The following WARS1 variants were observed in gnomAD, a reference collection of about 807,000 sequenced individuals.
WARS1 encodes tryptophanyl-tRNA synthetase 1, also known as tryptophan--tRNA ligase, cytoplasmic.
A neutral mutation model predicts 47.8 loss-of-function variants in WARS1; 17 were observed. The observed-to-expected ratio is 0.36, with a 90% confidence interval of 0.24 to 0.53. WARS1 has a LOEUF of 0.53. WARS1 is among the 20% of genes least tolerant of loss of function. The probability of loss-of-function intolerance (pLI) is 0.91; values close to 1 mark genes in which losing one functional copy is unlikely to be tolerated. For missense variants in WARS1, 434 were observed against 608.0 expected (o/e 0.71, Z 3.01); for synonymous variants, 208 against 228.1 (o/e 0.91, Z 0.79).
At chr14:100,345,155 C>T (rs1023212739) in intron 7 of WARS1, among the ~76,000 whole-genome samples, 1 of 150,364 alleles carries the variant, frequency 6.7e-6, no homozygotes, top group Non-Finnish European at 1.5e-5. Flanking sequence ...CCGGCCACCA[C>T]CCCGTCTGGG....
intron 2 of WARS1, 39 bp downstream of exon 2, chr14:100,369,048 C>T: frequency 6.9e-7 from 1 of 1,453,342 alleles, no homozygotes; most frequent in African/African-American, 1.4e-5. Flanking sequence ...ACTTGGGAGG[C>T]TCAGCTGCCT....
At chr14:100,339,282 C>T (rs61990698) in intron 9 of WARS1, among the ~76,000 whole-genome samples, 2,914 of 152,056 alleles carry the variant, frequency 0.019, 51 homozygotes, top group Middle Eastern at 0.041. Flanking sequence ...AGCAGTCACG[C>T]GAGAGGCTCA....
intron 1 of WARS1, among the ~76,000 whole-genome samples, chr14:100,370,834 T>C (rs1251603748): frequency 2.0e-5 from 3 of 151,484 alleles, no homozygotes; most frequent in African/African-American, 4.9e-5. Context: ...TCCCAGCTAC[T>C]TGGGAGGCTA....
At chr14:100,350,279 C>A (rs1894882070) in intron 6 of WARS1, among the ~76,000 whole-genome samples, 1 of 151,192 alleles carries the variant, frequency 6.6e-6, no homozygotes, top group African/African-American at 2.4e-5. Context: ...GTAATCCCAG[C>A]TACTCAGGAG....
At chr14:100,363,522 C>T (rs942639856) in intron 2 of WARS1, among the ~76,000 whole-genome samples, 4 of 152,014 alleles carry the variant, frequency 2.6e-5, no homozygotes, top group Non-Finnish European at 4.4e-5. Context: ...ATGGCAAAAC[C>T]CTGTCTCTAC....
chr14:100,371,584 A>T (rs1476203442), intron 1 of WARS1, among the ~76,000 whole-genome samples: 1 of 151,904 alleles, frequency 6.6e-6, no homozygotes, highest in Non-Finnish European at 1.5e-5. Flanking sequence ...AAAATACAAA[A>T]ATTAGCCAGG....
chr14:100,349,575 C>T (rs56238254), intron 6 of WARS1, among the ~76,000 whole-genome samples: 4,954 of 152,320 alleles, frequency 0.033, 115 homozygotes, highest in East Asian at 0.078. Flanking sequence ...CTGCCCCCCA[C>T]TAGCACCCAG....
In WARS1 at chr14:100,360,625, T is replaced by G; in HGVS notation, c.351A>C (p.Ile117=). ...GGCCGGTGGCTCTCTCTATTCGGTT[T>G]ATTAGCTCTTTGTCAATTTTACTAC... ...FGSSKIDKEL[I]NRIERATGQR... is the part of the protein sequence containing the mutation. The change falls in exon 4 of 11, where the codon ATA becomes ATC. Residue 117 remains isoleucine, a synonymous_variant. Coordinates refer to ENST00000392882, the MANE Select transcript of WARS1 (RefSeq NM_004184.4). 1 of 1,613,860 alleles carries G rather than the reference T, an allele frequency of 6.2e-7. No individual in the cohort carries two copies. Among genetic ancestry groups the G allele is most frequent in the Non-Finnish European group, 8.5e-7 (1 of 1,179,802 alleles).
rs1210631971 is a variant in WARS1 at position 100,337,208 on chromosome 14, C to A, written c.1114-6G>T. 2 of 1,613,420 alleles carry A rather than the reference C, an allele frequency of 1.2e-6. No individual in the cohort carries two copies. Among genetic ancestry groups the A allele is most frequent in the Non-Finnish European group, 8.5e-7 (1 of 1,179,470 alleles). ...GAAAACGCATGCTTATTGACCTGCA[C>A]CAGAAGAGGACACAGACACGCTCCT... On this transcript the variant is annotated splice_polypyrimidine_tract_variant and splice_region_variant and intron_variant, in intron 9 of 10. Transcript: ENST00000392882.
chr14:100,336,439 C>T (rs907111766), intron 10 of WARS1, among the ~76,000 whole-genome samples: 3 of 152,108 alleles, frequency 2.0e-5, no homozygotes, highest in East Asian at 1.9e-4. Flanking sequence ...AGTTCATGCC[C>T]GCATAATAAT....
At chr14:100,351,597 A>G (rs1004358213) in intron 6 of WARS1, among the ~76,000 whole-genome samples, 4 of 152,100 alleles carry the variant, frequency 2.6e-5, no homozygotes, top group African/African-American at 7.2e-5. Context: ...CACAGCCACT[A>G]AACCCAGGTG....
rs545333607 is a variant in WARS1 at position 100,366,914 on chromosome 14, C to T, written c.99+2173G>A. 2.5e-6 allele frequency: 4 copies of T among 1,607,724 alleles called. No individual in the cohort carries two copies. The South Asian group carries it at 4.4e-5, about 18-fold the overall frequency. Reference sequence around the variant, plus strand: ...GGAGTCCCTGAATAAAGATAAGAAGCATCACTGAAGATAATACCTGGAAGT... The same window carrying T: ...GGAGTCCCTGAATAAAGATAAGAAGTATCACTGAAGATAATACCTGGAAGT... On this transcript the variant is annotated intron_variant, in intron 2 of 10. Transcript: ENST00000392882.
At chr14:100,361,970 T>C in intron 2 of WARS1, 49 bp from the exon 3 acceptor site, 1 of 1,579,846 alleles carries the variant, frequency 6.3e-7, no homozygotes, top group Non-Finnish European at 8.7e-7. Flanking sequence ...TAATAGCTGA[T>C]ATGTGCTGAA....
intron 6 of WARS1, among the ~76,000 whole-genome samples, chr14:100,349,136 T>G (rs1047938087): frequency 6.6e-6 from 1 of 152,146 alleles, no homozygotes; most frequent in Admixed American, 6.5e-5. Context: ...GGGTTTAAAG[T>G]GGGAAGAGAT....
chr14:100,357,125 C>A (rs1408574572), intron 4 of WARS1, among the ~76,000 whole-genome samples: 1 of 152,030 alleles, frequency 6.6e-6, no homozygotes, highest in East Asian at 1.9e-4. Context: ...ATAATAAAAA[C>A]ACATGTTGAA....
Position 100,334,913 on chromosome 14 carries a change from A to C in WARS1, c.1378T>G (p.Phe460Val). ...KEVTDEIVKE[F>V]MTPRKLSFDF... is the part of the protein sequence containing the mutation. Reference sequence around the variant, plus strand: ...AAGGACAGCTTCCGGGGAGTCATGAACTCTTTCACTATCTCATCCGTGACC... The same window carrying C: ...AAGGACAGCTTCCGGGGAGTCATGACCTCTTTCACTATCTCATCCGTGACC... The change falls in exon 11 of 11, where the codon TTC becomes GTC. Residue 460 changes from phenylalanine to valine, a missense_variant. By Grantham distance (50) the Phe-to-Val change is conservative. Around this residue, in one of 2 missense-constraint regions of WARS1, gnomAD observed 347 missense variants for 523.8 expected, o/e 0.66. Transcript: ENST00000392882. 1 of 1,613,962 alleles carries C rather than the reference A, an allele frequency of 6.2e-7. No homozygotes were observed. The highest frequency in any genetic ancestry group is 8.5e-7 in the Non-Finnish European group (1 of 1,179,964).
In WARS1 at chr14:100,356,400, G is replaced by GA. The variant is rs879770768; in HGVS notation, c.423-1835_423-1834insT. On this transcript the variant is annotated intron_variant, in intron 4 of 10. Transcript: ENST00000392882. ...GTGACTGGGTGTGTGTGTGTGTGTG[G>GA]GGGGGGGTGTGGAATAAAAGAGAAG... is the stretch of plus-strand genomic sequence containing the variant. 8.0e-4 allele frequency among the ~76,000 whole-genome samples: 95 copies of GA among 118,610 alleles called. 4 individuals carry two copies. The highest frequency in any genetic ancestry group is 3.9e-3 in the Middle Eastern group (1 of 258). The allele number at this position is 118,610 out of a possible 152,430, so 77.8% of individuals were successfully genotyped here.
At chr14:100,374,492 T>A (rs777079965) in intron 1 of WARS1, among the ~76,000 whole-genome samples, 9 of 152,152 alleles carry the variant, frequency 5.9e-5, no homozygotes, top group Non-Finnish European at 1.5e-5. Flanking sequence ...AGGAGCATAA[T>A]AGGCACTTAA....
chr14:100,339,159 C>T (rs1004086844), intron 9 of WARS1, among the ~76,000 whole-genome samples: 4 of 151,360 alleles, frequency 2.6e-5, no homozygotes, highest in African/African-American at 9.8e-5. Flanking sequence ...AATTCTAGAG[C>T]AGAGTCCTAA....
Sources: gnomAD v4.1 joint callset for allele counts (sites outside exome capture counted in the v4.1 genomes callset) on GRCh38, gnomAD v4.1.1 for gene constraint, gnomAD v4.1.1 regional missense constraint, MANE v1.5 for transcripts, NCBI Gene and HGNC (gene_info 2026-07-23, HGNC 2026-07-21) for gene names.